The following CDK5RAP2 variants were observed in gnomAD, a reference collection of about 807,000 sequenced individuals.
CDK5RAP2 encodes the protein CDK5 regulatory subunit associated protein 2.
Under a neutral mutation model 232.9 loss-of-function variants are expected in CDK5RAP2, and 147 were observed. The ratio of observed to expected loss-of-function variants is 0.63; its 90% CI spans 0.55 to 0.72. The LOEUF (loss-of-function observed/expected upper bound fraction) is 0.72. Among genes scored for constraint, CDK5RAP2 ranks in the 30% least tolerant of loss-of-function variants. The pLI is 0.00. For synonymous variants in CDK5RAP2, 833 were observed against 833.7 expected (o/e 1.00, Z 0.01); for missense variants, 2,195 against 2,231.5 (o/e 0.98, Z 0.33).
chr9:120,409,032 C>G (rs1010004150), intron 30 of CDK5RAP2, 95 bp downstream of exon 30: 23 of 1,202,524 alleles, frequency 1.9e-5, no homozygotes, highest in Non-Finnish European at 2.2e-5. Context: ...CCACTGTGCA[C>G]TAAGGCAGAG....
At chr9:120,499,874 G>C (rs1375598386) in intron 12 of CDK5RAP2, among the ~76,000 whole-genome samples, 4 of 151,968 alleles carry the variant, frequency 2.6e-5, no homozygotes, top group Non-Finnish European at 5.9e-5. Flanking sequence ...TTTTAAGTTT[G>C]GTATGGACTT....
chr9:120,480,766 C>A (rs1218300332), intron 14 of CDK5RAP2, among the ~76,000 whole-genome samples: 1 of 152,180 alleles, frequency 6.6e-6, no homozygotes, highest in African/African-American at 2.4e-5. Flanking sequence ...TGCTTCCAAT[C>A]CTGACAAAAC....
chr9:120,479,694 G>A (rs1310599746), intron 14 of CDK5RAP2, among the ~76,000 whole-genome samples: 2 of 152,228 alleles, frequency 1.3e-5, no homozygotes, highest in East Asian at 3.8e-4. Flanking sequence ...AAAGTGTCAA[G>A]GTTATGAAAG....
At chr9:120,458,645 A>C (rs2131441358) in intron 19 of CDK5RAP2, 23 bp from the exon 20 acceptor site, 1 of 1,610,568 alleles carries the variant, frequency 6.2e-7, no homozygotes, top group African/African-American at 1.3e-5. Context: ...GTATTTGGTC[A>C]AATAATGGAA....
At chr9:120,429,734 T>G (rs965457959) in intron 25 of CDK5RAP2, among the ~76,000 whole-genome samples, 1 of 152,234 alleles carries the variant, frequency 6.6e-6, no homozygotes, top group African/African-American at 2.4e-5. Context: ...ACCAATGACT[T>G]TCTTCACAGA....
intron 28 of CDK5RAP2, among the ~76,000 whole-genome samples, chr9:120,413,705 C>A (rs1470571882): frequency 6.6e-6 from 1 of 152,036 alleles, no homozygotes; most frequent in East Asian, 1.9e-4. Context: ...TGTGAAGGGC[C>A]CAGGCGTGTA....
At chr9:120,502,721 C>A (rs797002437) in intron 12 of CDK5RAP2, among the ~76,000 whole-genome samples, 13 of 152,318 alleles carry the variant, frequency 8.5e-5, no homozygotes, top group African/African-American at 2.9e-4. Context: ...GGTCCATTGA[C>A]TGGGCCAGGG....
At chr9:120,532,077 G>C (rs2041178946) in intron 7 of CDK5RAP2, among the ~76,000 whole-genome samples, 1 of 151,912 alleles carries the variant, frequency 6.6e-6, no homozygotes, top group Admixed American at 6.6e-5. Flanking sequence ...GGCCTGGTGG[G>C]GACTCCTGTG....
chr9:120,559,680 T>C (rs2042393286), intron 3 of CDK5RAP2, among the ~76,000 whole-genome samples: 1 of 151,264 alleles, frequency 6.6e-6, no homozygotes, highest in Non-Finnish European at 1.5e-5. Context: ...GGAAACCTAA[T>C]GCTCAAAAGA....
intron 12 of CDK5RAP2, among the ~76,000 whole-genome samples, chr9:120,502,630 T>C (rs1187024799): frequency 1.3e-5 from 2 of 152,220 alleles, no homozygotes; most frequent in African/African-American, 4.8e-5. Flanking sequence ...TGTTACAGAA[T>C]TCCACAAAGG....
intron 25 of CDK5RAP2, among the ~76,000 whole-genome samples, chr9:120,427,795 G>C (rs372592178): frequency 1.4e-4 from 21 of 152,210 alleles, no homozygotes; most frequent in African/African-American, 4.8e-4. Context: ...TTGATCAACA[G>C]AATATACATT....
At chr9:120,531,606 A>G (rs999899178) in intron 7 of CDK5RAP2, among the ~76,000 whole-genome samples, 3 of 151,788 alleles carry the variant, frequency 2.0e-5, no homozygotes, top group African/African-American at 4.9e-5. Context: ...GACAGTTGTT[A>G]TAATTATTAC....
At position 120,453,421 on chromosome 9, in the gene CDK5RAP2, A is replaced by G. The variant is rs117505828; in HGVS notation, c.2793+35T>C. 3.6e-3 allele frequency: 5,572 copies of G among 1,569,086 alleles called. 9 individuals carry two copies. The highest frequency in any genetic ancestry group is 4.2e-3 in the Non-Finnish European group (4,868 of 1,153,864). ...ATTTTTAAAGTTTTTTGTTTGGATA[A>G]AGTAAGTACATAATTATTACATGGA... is the stretch of plus-strand genomic sequence containing the variant. On this transcript the variant is annotated intron_variant, in intron 21 of 37. Transcript: ENST00000349780.
chr9:120,491,264 A>AC (rs753997779), intron 13 of CDK5RAP2, 43 bp downstream of exon 13: 1 of 1,406,900 alleles, frequency 7.1e-7, no homozygotes. Flanking sequence ...AAAAAAATCA[A>AC]CCCATGCCAA....
chr9:120,403,150 C>T lies in CDK5RAP2; in HGVS notation c.5042-79G>A. On this transcript the variant is annotated intron_variant, in intron 33 of 37. Coordinates refer to ENST00000349780, the MANE Select transcript of CDK5RAP2 (RefSeq NM_018249.6). The surrounding 1 kb of genome is among the most constrained non-coding windows in gnomAD (Gnocchi z 4.2). Reference sequence around the variant, plus strand: ...AAGACGCTTATGATGTTGAAGCTAGCTAGGAGGGCTAGAAGAGGCCCTCGT... The same window carrying T: ...AAGACGCTTATGATGTTGAAGCTAGTTAGGAGGGCTAGAAGAGGCCCTCGT... The T allele has an allele frequency of 6.7e-7, 1 of 1,493,928 alleles. No individual in the cohort carries two copies. Among genetic ancestry groups the T allele is most frequent in the Admixed American group, 1.7e-5 (1 of 59,172 alleles). The allele number at this position is 1,493,928 out of a possible 1,614,324, so 92.5% of individuals were successfully genotyped here.
At chr9:120,405,294 A>G (rs2033357240) in intron 32 of CDK5RAP2, among the ~76,000 whole-genome samples, 1 of 152,180 alleles carries the variant, frequency 6.6e-6, no homozygotes, top group East Asian at 1.9e-4. Context: ...TCTGATCTTG[A>G]CTCAAGGAAA....
intron 12 of CDK5RAP2, among the ~76,000 whole-genome samples, chr9:120,515,060 C>G (rs574234451): frequency 2.9e-4 from 43 of 148,436 alleles, no homozygotes; most frequent in African/African-American, 8.9e-4. Context: ...TCGAGAGAGA[C>G]AGAGAGAGAG....
Position 120,487,288 on chromosome 9 carries a change from GCTTAC to G in CDK5RAP2, c.1626+1_1626+5del. The G allele has an allele frequency of 1.2e-6, 2 of 1,613,956 alleles. No individual in the cohort carries two copies. The highest frequency in any genetic ancestry group is 1.7e-6 in the Non-Finnish European group (2 of 1,179,956). ...CATGTGAATGTCCAATTTCAGTCAA[GCTTAC>G]CTTAGAGAAGATGGTTTTGCTGCCT... On this transcript the variant is annotated splice_donor_variant and splice_donor_5th_base_variant and intron_variant, in intron 14 of 37. Transcript: ENST00000349780. LOFTEE classifies it high-confidence loss of function.
intron 15 of CDK5RAP2, among the ~76,000 whole-genome samples, chr9:120,472,402 T>C (rs904537143): frequency 6.6e-6 from 1 of 152,070 alleles, no homozygotes; most frequent in African/African-American, 2.4e-5. Context: ...GGCTTGGGTA[T>C]AGAAAGGGAG....
Sources: gnomAD v4.1 joint callset for allele counts (sites outside exome capture counted in the v4.1 genomes callset) on GRCh38, gnomAD v4.1.1 for gene constraint, Gnocchi (gnomAD v3.1) non-coding constraint, MANE v1.5 for transcripts, NCBI Gene and HGNC (gene_info 2026-07-23, HGNC 2026-07-21) for gene names.